The following PEBP4 variants were observed in gnomAD, a reference collection of about 807,000 sequenced individuals.
The protein encoded by PEBP4 is phosphatidylethanolamine-binding protein 4.
A neutral mutation model predicts 23.9 loss-of-function variants in PEBP4; 22 were observed. The ratio of observed to expected loss-of-function variants is 0.92; its 90% CI spans 0.66 to 1.31. PEBP4 has a LOEUF of 1.31. PEBP4 is among the 40% of genes most tolerant of loss of function. PEBP4 has a pLI of 0.00. For missense variants in PEBP4, 324 were observed against 281.7 expected, an observed-to-expected ratio of 1.15 and a Z score of -1.07; for synonymous variants, 112 against 99.3, an observed-to-expected ratio of 1.13 and a Z score of -0.76.
At chr8:22,778,686 T>G (rs1038378036) in intron 4 of PEBP4, among the ~76,000 whole-genome samples, 6 of 151,960 alleles carry the variant, frequency 3.9e-5, no homozygotes, top group African/African-American at 1.5e-4. Context: ...GAGGCCTGAG[T>G]GGAGAGCTCC....
At chr8:22,921,728 A>T (rs144451186) in intron 2 of PEBP4, among the ~76,000 whole-genome samples, 2 of 152,332 alleles carry the variant, frequency 1.3e-5, no homozygotes, top group Non-Finnish European at 2.9e-5. Flanking sequence ...TTGCGCATTT[A>T]CAGCAATTCT....
intron 5 of PEBP4, among the ~76,000 whole-genome samples, 187 bp from the exon 6 acceptor site, chr8:22,725,143 T>C (rs1281791801): frequency 6.7e-6 from 1 of 149,854 alleles, no homozygotes; most frequent in African/African-American, 2.5e-5. Context: ...GTACATATTT[T>C]GGTGGGGGTG....
At chr8:22,811,067 C>T (rs1806618925) in intron 4 of PEBP4, among the ~76,000 whole-genome samples, 1 of 152,140 alleles carries the variant, frequency 6.6e-6, no homozygotes, top group South Asian at 2.1e-4. Flanking sequence ...TTCATATCCG[C>T]ACTCTCTCTT....
At chr8:22,857,808 A>G (rs1231313145) in intron 3 of PEBP4, among the ~76,000 whole-genome samples, 3 of 152,188 alleles carry the variant, frequency 2.0e-5, no homozygotes, top group African/African-American at 7.2e-5. Context: ...TTAAGGCAGC[A>G]TACCAAGTCA....
intron 2 of PEBP4, among the ~76,000 whole-genome samples, chr8:22,924,469 G>A (rs905896347): frequency 9.9e-5 from 15 of 152,148 alleles, no homozygotes; most frequent in Non-Finnish European, 1.9e-4. Context: ...GGGCAGGGCA[G>A]GGCATGGCAC....
chr8:22,790,213 C>CTTCA (rs1187491365), intron 4 of PEBP4, among the ~76,000 whole-genome samples: 1 of 152,158 alleles, frequency 6.6e-6, no homozygotes, highest in African/African-American at 2.4e-5. Flanking sequence ...TCCTTCCTTC[C>CTTCA]TTCATTCACT....
At chr8:22,765,028 A>T (rs558973051) in intron 4 of PEBP4, among the ~76,000 whole-genome samples, 54 of 152,074 alleles carry the variant, frequency 3.6e-4, no homozygotes, top group African/African-American at 1.3e-3. Flanking sequence ...GTTCTGCCAG[A>T]TACTGAGCCA....
chr8:22,940,258 T>C (rs1809592195), intron 1 of PEBP4, among the ~76,000 whole-genome samples: 1 of 152,138 alleles, frequency 6.6e-6, no homozygotes, highest in Non-Finnish European at 1.5e-5. Context: ...ACTCACTACA[T>C]CTGTCAGAAG....
intron 3 of PEBP4, among the ~76,000 whole-genome samples, chr8:22,910,402 A>G (rs1009567181): frequency 2.6e-5 from 4 of 152,250 alleles, no homozygotes; most frequent in Admixed American, 2.0e-4. Flanking sequence ...TGGTCTCCCA[A>G]GCATACAGAG....
At chr8:22,830,446 C>T (rs530091845) in intron 3 of PEBP4, among the ~76,000 whole-genome samples, 147 of 152,212 alleles carry the variant, frequency 9.7e-4, no homozygotes, top group African/African-American at 3.3e-3. Context: ...CTGCACCTGG[C>T]CAGCTATCTT....
At chr8:22,929,195 G>A (rs1003493969), upstream of PEBP4, among the ~76,000 whole-genome samples, 8 of 152,148 alleles carry the variant, frequency 5.3e-5, no homozygotes, top group Non-Finnish European at 1.2e-4. Flanking sequence ...ATTCTCTCAC[G>A]GATCCATCCA....
In PEBP4 at chr8:22,919,592, A is replaced by G. The variant is rs182998226; in HGVS notation, c.258+592T>C. On this transcript the variant is annotated intron_variant, in intron 3 of 6. Transcript: ENST00000256404. ...AATGTAATAGCACTAATCACTGCCC[A>G]GTAAAATAGTTATTTCCAGTTCCTA... Among the ~76,000 whole-genome samples the G allele has an allele frequency of 2.1e-4, 32 of 152,330 alleles. No individual in the cohort carries two copies. In the East Asian group the frequency reaches 3.5e-3, roughly 17 times the overall value.
In PEBP4 at chr8:22,713,488, G is replaced by C; in HGVS notation, c.566C>G (p.Pro189Arg). 6.2e-7 allele frequency: 1 copy of C among 1,614,196 alleles called. No individual in the cohort carries two copies. Among genetic ancestry groups the C allele is most frequent in the Non-Finnish European group, 8.5e-7 (1 of 1,180,026 alleles). The change falls in exon 7 of 7, where the codon CCT (proline) becomes CGT (arginine). Residue 189 changes from proline to arginine, a missense_variant. Physicochemically the swap from Pro to Arg is moderately radical, Grantham distance 103. Coordinates refer to ENST00000256404, the MANE Select transcript of PEBP4 (RefSeq NM_144962.3). ...GGTCATGAACTGGGTGCTTGCTTCA[G>C]GTTCGCCCAGGTGGAAACGGTTCAG... ...RFLNRFHLGE[P>R]EASTQFMTQN... is the part of the protein sequence containing the mutation.
chr8:22,728,752 C>A (rs1305789755), intron 4 of PEBP4, among the ~76,000 whole-genome samples: 1 of 152,046 alleles, frequency 6.6e-6, no homozygotes, highest in African/African-American at 2.4e-5. Context: ...TGCCCACCAC[C>A]ACGCCTGGCT....
At chr8:22,938,220 G>A (rs1240237228) in intron 1 of PEBP4, among the ~76,000 whole-genome samples, 5 of 151,960 alleles carry the variant, frequency 3.3e-5, no homozygotes, top group Admixed American at 2.0e-4. Context: ...TGGCCACTCC[G>A]TCCTCTTCAC....
Position 22,859,313 on chromosome 8 carries a change from T to C in PEBP4, c.259-41578A>G, listed in dbSNP as rs369509444. Among the ~76,000 whole-genome samples the C allele has an allele frequency of 9.8e-5, 15 of 152,310 alleles. No homozygotes were observed. The East Asian group carries it at 1.7e-3, about 18-fold the overall frequency. ...GCCAGTAATTCGCCGAGTGTTGAGC[T>C]TGCAGCACTGAGGTTGCTTACAACT... is the stretch of plus-strand genomic sequence containing the variant. On this transcript the variant is annotated intron_variant, in intron 3 of 6. Coordinates refer to ENST00000256404, the MANE Select transcript of PEBP4 (RefSeq NM_144962.3).
intron 3 of PEBP4, among the ~76,000 whole-genome samples, chr8:22,844,781 C>T (rs148356825): frequency 2.0e-5 from 3 of 152,306 alleles, no homozygotes; most frequent in African/African-American, 4.8e-5. Context: ...CAGAATCTGA[C>T]GTATCTGGGA....
intron 4 of PEBP4, among the ~76,000 whole-genome samples, chr8:22,760,594 C>CGT (rs901978041): frequency 1.3e-5 from 2 of 151,980 alleles, no homozygotes; most frequent in East Asian, 1.9e-4. Context: ...GAGTGGACAA[C>CGT]GTGTGTGTGT....
At chr8:22,850,988 T>C (rs1350679507) in intron 3 of PEBP4, among the ~76,000 whole-genome samples, 4 of 152,220 alleles carry the variant, frequency 2.6e-5, no homozygotes, top group Non-Finnish European at 4.4e-5. Flanking sequence ...CATCCAACAG[T>C]TCTTAGGAAA....
Sources: allele counts gnomAD v4.1 joint callset (sites outside exome capture counted in the v4.1 genomes callset), GRCh38; gene constraint gnomAD v4.1.1; transcripts MANE v1.5; gene names NCBI Gene and HGNC (gene_info 2026-07-23, HGNC 2026-07-21).